IL34: variants seen among roughly 807,000 people sequenced by gnomAD.
IL34 encodes the protein interleukin-34.
In IL34, 17 loss-of-function variants were observed where a neutral mutation model predicts 25.3. That is an observed-to-expected ratio of 0.67 (90% CI 0.46 to 1.01). IL34 has a LOEUF of 1.01. Ranked by LOEUF, IL34 falls within the 50% of genes least tolerant of loss-of-function variation. The pLI is 0.00. For missense variants in IL34, 368 were observed against 312.9 expected (o/e 1.18, Z -1.33); for synonymous variants, 174 against 140.9 (o/e 1.23, Z -1.66).
intron 1 of IL34, among the ~76,000 whole-genome samples, chr16:70,603,895 G>A (rs2050958131): frequency 6.6e-6 from 1 of 152,122 alleles, no homozygotes; most frequent in South Asian, 2.1e-4. Flanking sequence ...TCTTTCTATT[G>A]CTGAGGAGAT....
intron 1 of IL34, among the ~76,000 whole-genome samples, chr16:70,634,253 CA>C (rs2051588255): frequency 6.6e-6 from 1 of 152,038 alleles, no homozygotes; most frequent in South Asian, 2.1e-4. Context: ...ACTCTGTTTC[CA>C]AACAAGGTCA....
chr16:70,621,623 G>T (rs771328619), intron 1 of IL34, among the ~76,000 whole-genome samples: 1 of 152,086 alleles, frequency 6.6e-6, no homozygotes, highest in African/African-American at 2.4e-5. Context: ...ATGCGCGTCC[G>T]TGTGAAGAGA....
chr16:70,654,159 A>T (rs2052152088), intron 1 of IL34: 2 of 168,126 alleles, frequency 1.2e-5, no homozygotes, highest in East Asian at 1.6e-4. Flanking sequence ...CGGGCTGGAA[A>T]ACCCAGCAAC....
intron 1 of IL34, among the ~76,000 whole-genome samples, chr16:70,609,365 C>T (rs932059289): frequency 3.3e-5 from 5 of 152,222 alleles, no homozygotes; most frequent in Non-Finnish European, 7.3e-5. Flanking sequence ...AGGTGTGAGC[C>T]ACCACGCTTG....
At chr16:70,637,956 G>A (rs759996133) in intron 1 of IL34, among the ~76,000 whole-genome samples, 11 of 152,020 alleles carry the variant, frequency 7.2e-5, no homozygotes, top group Non-Finnish European at 1.5e-4. Context: ...AGGTTTTTTT[G>A]TTTTGTTTTG....
chr16:70,603,969 C>T (rs542894934), intron 1 of IL34, among the ~76,000 whole-genome samples: 1 of 152,302 alleles, frequency 6.6e-6, no homozygotes, highest in African/African-American at 2.4e-5. Flanking sequence ...GAAGATTTGC[C>T]AGCCCTTGAC....
At chr16:70,624,238 C>T (rs1050687280) in intron 1 of IL34, among the ~76,000 whole-genome samples, 58 of 151,794 alleles carry the variant, frequency 3.8e-4, no homozygotes, top group Non-Finnish European at 7.8e-4. Flanking sequence ...ATTTCCGGCA[C>T]GTGTAGCAAG....
chr16:70,642,214 G>T (rs2051800481), upstream of IL34, among the ~76,000 whole-genome samples: 1 of 150,730 alleles, frequency 6.6e-6, no homozygotes, highest in South Asian at 2.1e-4. Context: ...CACATGACCA[G>T]TTCTTTGTGT....
chr16:70,587,021 G>A (rs943151353), intron 1 of IL34, among the ~76,000 whole-genome samples: 10 of 152,214 alleles, frequency 6.6e-5, no homozygotes, highest in African/African-American at 1.9e-4. Context: ...GCCTGCGTGA[G>A]ATGGAGGCCC....
chr16:70,621,489 T>C (rs570826136), intron 1 of IL34, among the ~76,000 whole-genome samples: 1 of 152,090 alleles, frequency 6.6e-6, no homozygotes, highest in South Asian at 2.1e-4. Context: ...GTGATATTCC[T>C]TGGGCTGGTC....
chr16:70,612,936 C>T (rs2051112327), intron 1 of IL34, among the ~76,000 whole-genome samples: 2 of 152,194 alleles, frequency 1.3e-5, no homozygotes, highest in Non-Finnish European at 2.9e-5. Flanking sequence ...CCACGCCCAG[C>T]TAATTTTTAT....
intron 1 of IL34, among the ~76,000 whole-genome samples, chr16:70,594,079 A>G (rs1299907115): frequency 1.3e-5 from 2 of 152,060 alleles, no homozygotes; most frequent in African/African-American, 4.8e-5. Flanking sequence ...CTCTAATTCC[A>G]TTCTTCTTTT....
At chr16:70,658,519 G>A (rs900283097) in intron 4 of IL34, among the ~76,000 whole-genome samples, 16 of 151,550 alleles carry the variant, frequency 1.1e-4, no homozygotes, top group South Asian at 8.4e-4. Flanking sequence ...GTCTCACTGT[G>A]TCGCCCAGGT....
intron 1 of IL34, among the ~76,000 whole-genome samples, chr16:70,604,179 C>T (rs1222982313): frequency 6.6e-6 from 1 of 152,176 alleles, no homozygotes; most frequent in Non-Finnish European, 1.5e-5. Context: ...GCCTGTAAGC[C>T]AGGCCCTGGG....
chr16:70,601,410 T>A (rs1479453105), intron 1 of IL34, among the ~76,000 whole-genome samples: 3 of 151,930 alleles, frequency 2.0e-5, no homozygotes, highest in African/African-American at 7.3e-5. Flanking sequence ...CCTAGCCTGA[T>A]TCCTTCTTTT....
intron 1 of IL34, among the ~76,000 whole-genome samples, chr16:70,601,549 C>T (rs2050917443): frequency 6.6e-6 from 1 of 152,142 alleles, no homozygotes; most frequent in Non-Finnish European, 1.5e-5. Context: ...ATAGCTGGTA[C>T]CACCCTGCCC....
chr16:70,608,534 C>T (rs11075773), intron 1 of IL34, among the ~76,000 whole-genome samples: 54,827 of 152,060 alleles, frequency 0.36, 10,504 homozygotes, highest in South Asian at 0.6. Context: ...GGGTCTGGTT[C>T]CCCAGTAAAA....
Position 70,657,060 on chromosome 16 carries a change from C to T in IL34, c.341C>T (p.Pro114Leu), listed in dbSNP as rs374665339. ...CAGGACGTGCTGCTCGAGGGCCACCCATCCTGGAAGTACCTGCAGGAGGTG... is the reference window on the plus strand; with the variant it reads ...CAGGACGTGCTGCTCGAGGGCCACCTATCCTGGAAGTACCTGCAGGAGGTG... ...SVQDVLLEGH[P>L]SWKYLQEVET... The change falls in exon 4 of 6, where the codon CCA (proline) becomes CTA (leucine). Residue 114 changes from proline (P) to leucine (L), a missense_variant. Pro to Leu is a moderately conservative substitution (Grantham distance 98). Transcript: ENST00000288098. 9 of 1,612,994 alleles carry T rather than the reference C, an allele frequency of 5.6e-6. No homozygotes were observed. The highest frequency in any genetic ancestry group is 7.6e-6 in the Non-Finnish European group (9 of 1,179,998).
chr16:70,591,843 G>A (rs1452504683), intron 1 of IL34, among the ~76,000 whole-genome samples: 1 of 152,226 alleles, frequency 6.6e-6, no homozygotes, highest in Non-Finnish European at 1.5e-5. Context: ...TCCCCCTGCT[G>A]TTGCCCTGAG....
Sources: gnomAD v4.1 joint callset for allele counts (sites outside exome capture counted in the v4.1 genomes callset) on GRCh38, gnomAD v4.1.1 for gene constraint, MANE v1.5 for transcripts, NCBI Gene and HGNC (gene_info 2026-07-23, HGNC 2026-07-21) for gene names.